LRP1B: variants seen among roughly 807,000 people sequenced by gnomAD.
LRP1B encodes the protein low-density lipoprotein receptor-related protein 1B.
LRP1B carries 217 observed loss-of-function variants against 556.6 expected under a neutral mutation model. The observed-to-expected ratio is 0.39, with a 90% CI of 0.35 to 0.44. LRP1B has a LOEUF of 0.44. Among genes scored for constraint, LRP1B ranks in the 20% least tolerant of loss-of-function variants. The pLI, the probability that LRP1B is intolerant of heterozygous loss-of-function variation, is 1.00. For synonymous variants in LRP1B, 2,047 were observed against 1,865.8 expected, an observed-to-expected ratio of 1.10 and a Z score of -2.50; for missense variants, 5,053 against 5,620.8, an observed-to-expected ratio of 0.90 and a Z score of 3.23.
intron 7 of LRP1B, among the ~76,000 whole-genome samples, chr2:141,163,624 C>T (rs753915870): frequency 6.6e-6 from 1 of 151,970 alleles, no homozygotes; most frequent in Non-Finnish European, 1.5e-5. Flanking sequence ...GTGGTTCTCC[C>T]ATACTGTTCT....
intron 1 of LRP1B, 99 bp from the exon 2 acceptor site, chr2:141,810,500 T>C: frequency 8.3e-7 from 1 of 1,208,338 alleles, no homozygotes; most frequent in South Asian, 1.4e-5. Context: ...ACATAAAAGG[T>C]ACATGAATAT....
chr2:141,324,055 CACA>C (rs770160991), intron 3 of LRP1B, among the ~76,000 whole-genome samples: 2,137 of 142,124 alleles, frequency 0.015, 48 homozygotes, highest in Non-Finnish European at 0.021. Context: ...CACACACACA[CACA>C]CCTGAACAAG....
chr2:140,376,699 C>T (rs534102466), intron 68 of LRP1B, among the ~76,000 whole-genome samples: 40 of 152,210 alleles, frequency 2.6e-4, no homozygotes, highest in African/African-American at 8.2e-4. Flanking sequence ...AGCCCTCAGG[C>T]GAGAAATTAC....
intron 37 of LRP1B, among the ~76,000 whole-genome samples, chr2:140,708,493 T>C (rs1479969775): frequency 7.0e-6 from 1 of 142,628 alleles, no homozygotes; most frequent in Admixed American, 6.9e-5. Context: ...AAACAAAAAA[T>C]ATTTATATAT....
intron 1 of LRP1B, among the ~76,000 whole-genome samples, chr2:141,986,957 G>T (rs1702207630): frequency 6.6e-6 from 1 of 151,920 alleles, no homozygotes; most frequent in South Asian, 2.1e-4. Context: ...TATTATCTAT[G>T]ACCTTGGTAA....
chr2:140,884,148 C>A, intron 24 of LRP1B, 127 bp from the exon 25 acceptor site: 1 of 832,142 alleles, frequency 1.2e-6, no homozygotes, highest in Non-Finnish European at 1.9e-6. Flanking sequence ...TGAGAGATTG[C>A]AAAAGTGCTA....
At chr2:141,366,118 G>A (rs556480012) in intron 3 of LRP1B, among the ~76,000 whole-genome samples, 26 of 152,234 alleles carry the variant, frequency 1.7e-4, no homozygotes, top group Admixed American at 1.5e-3. Context: ...TCACACTGCT[G>A]CAACAAATCT....
chr2:140,880,333 G>A (rs1224866436), intron 25 of LRP1B, among the ~76,000 whole-genome samples: 1 of 152,086 alleles, frequency 6.6e-6, no homozygotes, highest in African/African-American at 2.4e-5. Context: ...CTAATAATAA[G>A]CTTAATGTTT....
chr2:140,381,726 G>A (rs1463863577), intron 67 of LRP1B, among the ~76,000 whole-genome samples: 1 of 151,944 alleles, frequency 6.6e-6, no homozygotes, highest in Non-Finnish European at 1.5e-5. Flanking sequence ...GCTGGGCACT[G>A]TTGTGCGCAC....
chr2:140,629,136 C>T (rs1380053412), intron 41 of LRP1B, among the ~76,000 whole-genome samples: 1 of 152,118 alleles, frequency 6.6e-6, no homozygotes, highest in African/African-American at 2.4e-5. Flanking sequence ...TCACTGCAAC[C>T]TCTGCCTCCT....
intron 66 of LRP1B, among the ~76,000 whole-genome samples, chr2:140,426,566 C>T (rs1334521221): frequency 6.6e-6 from 1 of 152,174 alleles, no homozygotes; most frequent in Non-Finnish European, 1.5e-5. Flanking sequence ...CCTGGCTCAT[C>T]CTGGCTCAAA....
intron 3 of LRP1B, among the ~76,000 whole-genome samples, chr2:141,293,937 G>A (rs1686080429): frequency 6.6e-6 from 1 of 152,026 alleles, no homozygotes; most frequent in Non-Finnish European, 1.5e-5. Flanking sequence ...TATTCTATAT[G>A]CATATATGTG....
intron 84 of LRP1B, among the ~76,000 whole-genome samples, chr2:140,294,767 C>T (rs1022784102): frequency 4.6e-5 from 7 of 151,974 alleles, no homozygotes; most frequent in Non-Finnish European, 7.4e-5. Context: ...AATAAACACA[C>T]GTGAGTTAGT....
Position 141,417,758 on chromosome 2 carries a change from ATT to A in LRP1B, c.343+62636_343+62637del, listed in dbSNP as rs56660575. On this transcript the variant is annotated intron_variant, in intron 3 of 90. Coordinates refer to ENST00000389484, the MANE Select transcript of LRP1B (RefSeq NM_018557.3). ...TATTGCTGCATCATATGGTAGTTCTATTTTTTTTTTTTTTTTTTTACAAATCT... is the reference window on the plus strand; with the variant it reads ...TATTGCTGCATCATATGGTAGTTCTATTTTTTTTTTTTTTTTTACAAATCT... Among the ~76,000 whole-genome samples the A allele has an allele frequency of 3.3e-3, 444 of 136,312 alleles. 3 individuals carry two copies. Among genetic ancestry groups the A allele is most frequent in the African/African-American group, 8.3e-3 (315 of 37,844 alleles). 89.4% of individuals were successfully genotyped at this position (136,312 alleles called of 152,430 possible).
chr2:141,554,446 C>G (rs1685887883), intron 2 of LRP1B, among the ~76,000 whole-genome samples: 1 of 150,898 alleles, frequency 6.6e-6, no homozygotes, highest in South Asian at 2.1e-4. Context: ...TATAACACTT[C>G]TGTAAAAAGT....
intron 27 of LRP1B, among the ~76,000 whole-genome samples, chr2:140,854,434 T>C (rs1692554455): frequency 6.6e-6 from 1 of 152,172 alleles, no homozygotes; most frequent in African/African-American, 2.4e-5. Flanking sequence ...GCTTCATAGA[T>C]TGAAAAATCC....
chr2:141,015,620 A>ATT, intron 13 of LRP1B, 76 bp downstream of exon 13: 1 of 1,196,132 alleles, frequency 8.4e-7, no homozygotes, highest in Non-Finnish European at 1.2e-6. Flanking sequence ...ACTTGAAAGT[A>ATT]TTTTTAACAC....
chr2:141,698,850 C>T (rs953254367), intron 2 of LRP1B, among the ~76,000 whole-genome samples: 1 of 151,788 alleles, frequency 6.6e-6, no homozygotes, highest in Non-Finnish European at 1.5e-5. Context: ...TGCCCCACTC[C>T]TAATGAAATT....
At chr2:141,592,005 A>G (rs1371079621) in intron 2 of LRP1B, among the ~76,000 whole-genome samples, 1 of 152,098 alleles carries the variant, frequency 6.6e-6, no homozygotes, top group African/African-American at 2.4e-5. Flanking sequence ...TCCATCCCTC[A>G]GTAACAATTT....
Sources: allele counts gnomAD v4.1 joint callset (sites outside exome capture counted in the v4.1 genomes callset), GRCh38; gene constraint gnomAD v4.1.1; transcripts MANE v1.5; gene names NCBI Gene and HGNC (gene_info 2026-07-23, HGNC 2026-07-21).